ADARB2: variants seen among roughly 807,000 people sequenced by gnomAD.
ADARB2 encodes the protein adenosine deaminase RNA specific B2 (inactive), also known as inactive double-stranded RNA-specific editase B2.
ADARB2 carries 25 observed loss-of-function variants against 62.2 expected under a neutral mutation model. The ratio of observed to expected loss-of-function variants is 0.40; its 90% CI spans 0.29 to 0.56. ADARB2 has a LOEUF of 0.56. Ranked by LOEUF, ADARB2 falls within the 20% of genes least tolerant of loss-of-function variation. The pLI is 0.43. For missense variants in ADARB2, 1,071 were observed against 1,077.4 expected (o/e 0.99, Z 0.08); for synonymous variants, 572 against 500.8 (o/e 1.14, Z -1.90).
At chr10:1,212,551 C>G (rs1320506126) in intron 7 of ADARB2, among the ~76,000 whole-genome samples, 1 of 152,234 alleles carries the variant, frequency 6.6e-6, no homozygotes, top group African/African-American at 2.4e-5. Flanking sequence ...CCTCCCCCTC[C>G]TGCTAAACCA....
intron 1 of ADARB2, among the ~76,000 whole-genome samples, chr10:1,677,728 G>A (rs749444809): frequency 1.3e-5 from 2 of 152,174 alleles, no homozygotes; most frequent in Non-Finnish European, 2.9e-5. Flanking sequence ...TGTCACAGAG[G>A]GGAGCAGCTG....
chr10:1,329,659 G>C (rs929191316), intron 3 of ADARB2, among the ~76,000 whole-genome samples: 22 of 152,166 alleles, frequency 1.4e-4, no homozygotes, highest in African/African-American at 5.3e-4. Flanking sequence ...TAATCCCTCC[G>C]CCTCCCTGAT....
intron 1 of ADARB2, among the ~76,000 whole-genome samples, chr10:1,732,239 A>C (rs899748653): frequency 6.6e-6 from 1 of 151,586 alleles, no homozygotes; most frequent in Non-Finnish European, 1.5e-5. Context: ...GTGTATATAT[A>C]TCATACTATA....
intron 1 of ADARB2, among the ~76,000 whole-genome samples, chr10:1,445,510 A>G (rs1336981985): frequency 1.3e-5 from 2 of 151,086 alleles, no homozygotes; most frequent in African/African-American, 2.4e-5. Flanking sequence ...CCATCCATCC[A>G]TCTGTCCACT....
chr10:1,478,614 G>C (rs1180452849), intron 1 of ADARB2, among the ~76,000 whole-genome samples: 1 of 151,934 alleles, frequency 6.6e-6, no homozygotes, highest in Non-Finnish European at 1.5e-5. Flanking sequence ...CCTCAGATGG[G>C]AGTGCGCCAA....
chr10:1,532,544 G>A (rs554754842), intron 1 of ADARB2, among the ~76,000 whole-genome samples: 50 of 152,222 alleles, frequency 3.3e-4, no homozygotes, highest in South Asian at 2.9e-3. Flanking sequence ...GGGAAGGTGC[G>A]ATTCCCTGTG....
rs975324698 is a variant in ADARB2, at chr10:1,179,783, A to G, written c.*3410T>C. 6.6e-6 allele frequency: 1 copy of G among 152,316 alleles called. No homozygotes were observed. Among genetic ancestry groups the G allele is most frequent in the Non-Finnish European group, 1.5e-5 (1 of 68,080 alleles). 9.4% of individuals were successfully genotyped at this position (152,316 alleles called of 1,614,324 possible). A position where few individuals can be genotyped will look rare whatever the true frequency, so the allele number is the denominator to read the frequency against. On this transcript the variant is annotated 3_prime_UTR_variant, in exon 10 of 10. Transcript: ENST00000381312. ...TACAGACCACAGAAAATCTGAAGCA[A>G]GGGGCTTGGCGGTGTCAGGTGGTGG...
chr10:1,695,735 T>C (rs1371534764), intron 1 of ADARB2, among the ~76,000 whole-genome samples: 3 of 152,142 alleles, frequency 2.0e-5, no homozygotes, highest in African/African-American at 4.8e-5. Flanking sequence ...AGACCATGCA[T>C]GTGTATGTAT....
intron 7 of ADARB2, 199 bp from the exon 8 acceptor site, chr10:1,200,346 CA>C: frequency 4.3e-6 from 3 of 696,858 alleles, no homozygotes; most frequent in Non-Finnish European, 7.8e-6. Context: ...GACTGGGCTC[CA>C]CAGGCCCATG....
chr10:1,202,429 T>G (rs2131743540), intron 7 of ADARB2, among the ~76,000 whole-genome samples: 1 of 152,208 alleles, frequency 6.6e-6, no homozygotes, highest in East Asian at 1.9e-4. Flanking sequence ...TCCACTGAAC[T>G]TGGCCTCCCA....
intron 6 of ADARB2, among the ~76,000 whole-genome samples, chr10:1,229,688 G>GTGTGAACATGTGCTTGTGTT (rs1830782084): frequency 8.3e-6 from 1 of 119,880 alleles, no homozygotes; most frequent in African/African-American, 3.0e-5. Flanking sequence ...ATGTGTTTGT[G>GTGTGAACATGTGCTTGTGTT]TGTGCACATG....
In ADARB2 at chr10:1,418,462, C is replaced by T. The variant is rs994054445; in HGVS notation, c.101-39302G>A. ...TATGTGGGTTCTGGCTAGAGGCAGA[C>T]GAGGCCCAAGGTACCAAGGAGAAGC... On this transcript the variant is annotated intron_variant, in intron 1 of 9. Coordinates refer to ENST00000381312, the MANE Select transcript of ADARB2 (RefSeq NM_018702.4). 4.6e-5 allele frequency among the ~76,000 whole-genome samples: 7 copies of T among 152,188 alleles called. No individual in the cohort carries two copies. The East Asian group carries it at 7.7e-4, about 17-fold the overall frequency.
At chr10:1,552,906 C>T (rs537455405) in intron 1 of ADARB2, among the ~76,000 whole-genome samples, 2 of 129,414 alleles carry the variant, frequency 1.5e-5, no homozygotes, top group Non-Finnish European at 3.4e-5. Flanking sequence ...TCCTGTGGAA[C>T]GGAACCCTTA....
intron 1 of ADARB2, among the ~76,000 whole-genome samples, chr10:1,452,619 G>C (rs539604123): frequency 9.4e-5 from 14 of 148,484 alleles, no homozygotes; most frequent in African/African-American, 1.2e-4. Context: ...ACGGGGGTTG[G>C]GGGGGGGAAT....
At position 1,183,373 on chromosome 10, in the gene ADARB2, C is replaced by A. The variant is rs373442908; in HGVS notation, c.2044-4G>T. The A allele has an allele frequency of 2.5e-6, 4 of 1,606,638 alleles. No individual in the cohort carries two copies. The highest frequency in any genetic ancestry group is 3.4e-6 in the Non-Finnish European group (4 of 1,174,018). ...GGCTGGGTGTCCGTGTGCTCAGCTG[C>A]GGACAAGAAGGAGAAAGAGCCAATC... On this transcript the variant is annotated splice_region_variant and splice_polypyrimidine_tract_variant and intron_variant, in intron 9 of 9. Transcript: ENST00000381312.
chr10:1,216,758 C>T (rs962746864), intron 7 of ADARB2, 193 bp downstream of exon 7: 15 of 739,142 alleles, frequency 2.0e-5, no homozygotes, highest in Admixed American at 3.0e-5. Context: ...CTCAGGGACT[C>T]GGGGTGCCTT....
chr10:1,705,272 T>C (rs1834874251), intron 1 of ADARB2, among the ~76,000 whole-genome samples: 1 of 152,228 alleles, frequency 6.6e-6, no homozygotes, highest in Admixed American at 6.5e-5. Flanking sequence ...GGCTGCATTC[T>C]ACATGGTGCC....
At chr10:1,229,128 A>C (rs1411378464) in intron 6 of ADARB2, among the ~76,000 whole-genome samples, 1 of 152,226 alleles carries the variant, frequency 6.6e-6, no homozygotes, top group African/African-American at 2.4e-5. Context: ...AAAATACCTG[A>C]GACCAATTGG....
At chr10:1,675,643 G>C (rs1382197303) in intron 1 of ADARB2, among the ~76,000 whole-genome samples, 1 of 151,586 alleles carries the variant, frequency 6.6e-6, no homozygotes, top group Non-Finnish European at 1.5e-5. Context: ...TTTGGGTTCA[G>C]GGATGCGTGA....
Sources: gnomAD v4.1 joint callset for allele counts (sites outside exome capture counted in the v4.1 genomes callset) on GRCh38, gnomAD v4.1.1 for gene constraint, MANE v1.5 for transcripts, NCBI Gene and HGNC (gene_info 2026-07-23, HGNC 2026-07-21) for gene names.